TNNI3K: variants seen among roughly 807,000 people sequenced by gnomAD.
TNNI3K encodes TNNI3 interacting kinase.
In TNNI3K, 140 loss-of-function variants were observed where a neutral mutation model predicts 114.5. The observed-to-expected ratio is 1.22, with a 90% CI of 1.07 to 1.41. The LOEUF (loss-of-function observed/expected upper bound fraction) is 1.41, where lower values mean the gene tolerates loss of function less well. Among genes scored for constraint, TNNI3K ranks in the 40% most tolerant of loss-of-function variants. The pLI is 0.00. For synonymous variants in TNNI3K, 347 were observed against 347.5 expected (o/e 1.00, Z 0.02); for missense variants, 1,125 against 1,007.6 (o/e 1.12, Z -1.58).
intron 5 of TNNI3K, among the ~76,000 whole-genome samples, chr1:74,280,706 G>A (rs570003375): frequency 1.3e-5 from 2 of 152,310 alleles, no homozygotes; most frequent in East Asian, 3.9e-4. Context: ...TCTACCATTG[G>A]TTGACTACAG....
chr1:74,440,217 T>C (rs1666316505), intron 20 of TNNI3K, among the ~76,000 whole-genome samples: 1 of 152,092 alleles, frequency 6.6e-6, no homozygotes. Context: ...TAATCACAGG[T>C]AAAATATACA....
intron 17 of TNNI3K, among the ~76,000 whole-genome samples, chr1:74,393,418 C>T (rs914097009): frequency 5.9e-5 from 9 of 151,988 alleles, no homozygotes; most frequent in African/African-American, 1.9e-4. Flanking sequence ...ATCAAAAGAA[C>T]GTGAGCTTAC....
chr1:74,490,767 G>A (rs1464726143), intron 22 of TNNI3K, among the ~76,000 whole-genome samples: 1 of 152,234 alleles, frequency 6.6e-6, no homozygotes, highest in Non-Finnish European at 1.5e-5. Context: ...ATCAAGTTAA[G>A]AGGGACAGAA....
intron 9 of TNNI3K, among the ~76,000 whole-genome samples, chr1:74,346,574 T>A (rs1258440874): frequency 6.6e-6 from 1 of 151,634 alleles, no homozygotes; most frequent in Non-Finnish European, 1.5e-5. Flanking sequence ...CACATTTTAA[T>A]TTAGCCTTTG....
intron 22 of TNNI3K, among the ~76,000 whole-genome samples, chr1:74,490,085 A>G (rs1668986688): frequency 6.6e-6 from 1 of 151,164 alleles, no homozygotes; most frequent in African/African-American, 2.4e-5. Flanking sequence ...AACTCAACTA[A>G]GAGTCATTGG....
At chr1:74,383,886 A>G (rs115893028) in intron 17 of TNNI3K, among the ~76,000 whole-genome samples, 10 of 152,266 alleles carry the variant, frequency 6.6e-5, no homozygotes, top group African/African-American at 2.4e-4. Context: ...GAAAAAGGCT[A>G]AAAAGAGACT....
intron 5 of TNNI3K, among the ~76,000 whole-genome samples, chr1:74,292,991 C>T (rs1371587265): frequency 2.6e-5 from 4 of 151,524 alleles, no homozygotes; most frequent in African/African-American, 9.7e-5. Context: ...CAATTTTTCC[C>T]TTATCAATTT....
At chr1:74,504,010 A>G (rs946223453) in intron 23 of TNNI3K, among the ~76,000 whole-genome samples, 2 of 152,258 alleles carry the variant, frequency 1.3e-5, no homozygotes, top group African/African-American at 4.8e-5. Context: ...GATCCAAACA[A>G]TAAACACAGC....
chr1:74,402,873 A>T (rs1312856862), intron 17 of TNNI3K, among the ~76,000 whole-genome samples: 1 of 150,946 alleles, frequency 6.6e-6, no homozygotes, highest in Non-Finnish European at 1.5e-5. Flanking sequence ...ATGAGTTTTT[A>T]TTTTTTTTTA....
At chr1:74,477,798 C>A (rs1336931462) in intron 21 of TNNI3K, among the ~76,000 whole-genome samples, 1 of 152,096 alleles carries the variant, frequency 6.6e-6, no homozygotes, top group Non-Finnish European at 1.5e-5. Flanking sequence ...ATTAAGAAGA[C>A]GTTTGAATTT....
At chr1:74,450,587 G>A (rs1057170560) in intron 20 of TNNI3K, among the ~76,000 whole-genome samples, 2 of 151,942 alleles carry the variant, frequency 1.3e-5, no homozygotes, top group African/African-American at 4.8e-5. Context: ...GTGGGCAAAG[G>A]ACATGAACAG....
intron 17 of TNNI3K, among the ~76,000 whole-genome samples, chr1:74,380,537 A>C (rs543317370): frequency 1.3e-5 from 2 of 152,202 alleles, no homozygotes; most frequent in African/African-American, 4.8e-5. Flanking sequence ...TGATCCTCTA[A>C]AACCTTTCAA....
At chr1:74,262,524 A>C (rs991086377) in intron 4 of TNNI3K, among the ~76,000 whole-genome samples, 1 of 152,022 alleles carries the variant, frequency 6.6e-6, no homozygotes. Flanking sequence ...CAAGATAGTA[A>C]TAAGAAATAA....
intron 11 of TNNI3K, among the ~76,000 whole-genome samples, chr1:74,360,838 C>A (rs1661924895): frequency 6.6e-6 from 1 of 152,070 alleles, no homozygotes; most frequent in African/African-American, 2.4e-5. Context: ...GTGTTTACCA[C>A]TTTATACTGA....
chr1:74,289,056 T>G (rs917387329), intron 5 of TNNI3K, among the ~76,000 whole-genome samples: 10 of 16,342 alleles, frequency 6.1e-4, no homozygotes, highest in African/African-American at 1.7e-3. Flanking sequence ...CATAGTGTGG[T>G]TAAACAGAAA....
Position 74,241,848 on chromosome 1 carries a change from T to C in TNNI3K, c.149+5638T>C, listed in dbSNP as rs1455850319. ...TTGGTGTTTTAGACATGAAGTTCTT[T>C]TCCTTTTTTTTTTTTTTTTCAGACG... is the stretch of plus-strand genomic sequence containing the variant. On this transcript the variant is annotated intron_variant, in intron 2 of 24. Transcript: ENST00000326637. 3.1e-5 allele frequency among the ~76,000 whole-genome samples: 4 copies of C among 127,674 alleles called. No individual in the cohort carries two copies. In the East Asian group the frequency reaches 8.1e-4, roughly 26 times the overall value. 83.8% of individuals were successfully genotyped at this position (127,674 alleles called of 152,430 possible).
intron 20 of TNNI3K, among the ~76,000 whole-genome samples, chr1:74,458,931 T>C (rs1037554622): frequency 3.3e-5 from 5 of 152,192 alleles, no homozygotes; most frequent in Admixed American, 2.0e-4. Context: ...TCTAGTAGTC[T>C]GCAGTGTCTA....
intron 21 of TNNI3K, among the ~76,000 whole-genome samples, chr1:74,486,542 G>A (rs576876873): frequency 6.7e-6 from 1 of 149,842 alleles, no homozygotes; most frequent in East Asian, 2.0e-4. Flanking sequence ...CAGAAGGATG[G>A]AGTTTCCATT....
chr1:74,471,124 G>A (rs148230061), intron 21 of TNNI3K: 1 of 400,782 alleles, frequency 2.5e-6, no homozygotes, highest in African/African-American at 2.0e-5. Context: ...GTTTCCATCA[G>A]GAATGTGGCC....
Sources: gnomAD v4.1 joint callset for allele counts (sites outside exome capture counted in the v4.1 genomes callset) on GRCh38, gnomAD v4.1.1 for gene constraint, MANE v1.5 for transcripts, NCBI Gene and HGNC (gene_info 2026-07-23, HGNC 2026-07-21) for gene names.